ATP11C: variants seen among roughly 807,000 people sequenced by gnomAD.
The protein encoded by ATP11C is phospholipid-transporting ATPase IG.
A neutral mutation model predicts 97.4 loss-of-function variants in ATP11C; 36 were observed. That is an observed-to-expected ratio of 0.37 (90% confidence interval 0.28 to 0.49). The LOEUF (loss-of-function observed/expected upper bound fraction) is 0.49. ATP11C is among the 20% of genes least tolerant of loss of function. The pLI is 0.98. For synonymous variants in ATP11C, 275 were observed against 290.9 expected (o/e 0.95, Z 0.56); for missense variants, 730 against 824.6 (o/e 0.89, Z 1.40).
intron 1 of ATP11C, among the ~76,000 whole-genome samples, chrX:139,848,756 T>C (rs960375425): frequency 7.2e-5 from 8 of 111,319 alleles, no homozygotes; most frequent in Non-Finnish European, 1.9e-5. Context: ...GAACACCATA[T>C]TGATTCATGG....
Position 139,861,711 on chromosome X carries a change from ACT to A in ATP11C, c.28-34890_28-34889del, listed in dbSNP as rs200959693. Among the ~76,000 whole-genome samples the A allele has an allele frequency of 3.3e-3, 366 of 110,565 alleles. 4 individuals are homozygous for A. The highest frequency in any genetic ancestry group is 0.012 in the African/African-American group (361 of 30,320). ...GCCTGCATACCTAACACAGTATTAC[ACT>A]GTCTTAAGCAAATGCACAAATCAAA... On this transcript the variant is annotated intron_variant, in intron 1 of 29. Transcript: ENST00000682941.
At chrX:139,813,826 T>A (rs1316857479) in intron 5 of ATP11C, among the ~76,000 whole-genome samples, 1 of 111,620 alleles carries the variant, frequency 9.0e-6, no homozygotes, top group East Asian at 2.8e-4. Flanking sequence ...ATGACACTAC[T>A]ATGGATACAT....
At chrX:139,902,856 T>G (rs776903514) in intron 1 of ATP11C, among the ~76,000 whole-genome samples, 2 of 111,789 alleles carry the variant, frequency 1.8e-5, no homozygotes, top group Non-Finnish European at 3.8e-5. Flanking sequence ...AAAAAGTTAG[T>G]GTACCAACGG....
chrX:139,817,451 G>A (rs982620724), intron 3 of ATP11C, among the ~76,000 whole-genome samples: 1 of 112,715 alleles, frequency 8.9e-6, no homozygotes. Flanking sequence ...CCAGTGGCGA[G>A]AGGGAGTGTG....
rs201052330 is a variant in ATP11C at position 139,741,027 on chromosome X, T to A, written c.3098A>T (p.Tyr1033Phe). ...HFVIWGSLAF[Y>F]VFFSFFWGGI... ...TCCCCAGAAGAATGAGAAAAATACA[T>A]AGAAGGCTAAAGAACCCCAAATCAC... Residue 1033 changes from tyrosine (Y) to phenylalanine (F), a missense_variant, in exon 27 of 30, where the codon TAT (tyrosine) becomes TTT (phenylalanine). Physicochemically the swap from Tyr to Phe is conservative, Grantham distance 22. Coordinates refer to ENST00000682941, the MANE Select transcript of ATP11C (RefSeq NM_001353812.2). 4 of 1,204,641 alleles carry A rather than the reference T, an allele frequency of 3.3e-6. No homozygotes were observed.
At chrX:139,807,918 C>T (rs1342253115) in intron 5 of ATP11C, among the ~76,000 whole-genome samples, 1 of 104,120 alleles carries the variant, frequency 9.6e-6, no homozygotes, top group East Asian at 3.0e-4. Context: ...CGCCACTGTA[C>T]TCCAGCCTGG....
chrX:139,883,274 C>G (rs868755012), intron 1 of ATP11C, among the ~76,000 whole-genome samples: 6 of 110,487 alleles, frequency 5.4e-5, no homozygotes, highest in South Asian at 3.9e-4. Flanking sequence ...GTTAAAGCCA[C>G]TCAAAAGTTT....
chrX:139,838,862 C>T (rs904799962), intron 1 of ATP11C, among the ~76,000 whole-genome samples: 7 of 110,368 alleles, frequency 6.3e-5, no homozygotes, highest in African/African-American at 2.0e-4. Context: ...GCAGGAAAAT[C>T]GCTTGAACCC....
chrX:139,909,557 C>A (rs1024509423), intron 1 of ATP11C, among the ~76,000 whole-genome samples: 1 of 110,476 alleles, frequency 9.1e-6, no homozygotes, highest in Non-Finnish European at 1.9e-5. Flanking sequence ...ACACACACAC[C>A]CCATGCACAC....
At chrX:139,806,775 T>C (rs991904402) in intron 5 of ATP11C, among the ~76,000 whole-genome samples, 2 of 111,319 alleles carry the variant, frequency 1.8e-5, no homozygotes, top group African/African-American at 6.5e-5. Flanking sequence ...GTGACTGCTG[T>C]GAAGAAATAG....
intron 18 of ATP11C, among the ~76,000 whole-genome samples, chrX:139,779,351 T>C (rs2082408589): frequency 8.9e-6 from 1 of 111,994 alleles, no homozygotes; most frequent in Admixed American, 9.5e-5. Context: ...GCAAGTCTCC[T>C]GAAATTCAAA....
At chrX:139,803,040 C>T (rs1324895908) in intron 6 of ATP11C, among the ~76,000 whole-genome samples, 1 of 111,765 alleles carries the variant, frequency 8.9e-6, no homozygotes, top group Admixed American at 9.5e-5. Context: ...ACCACTTAGG[C>T]AGAAGGGAAA....
At chrX:139,860,839 A>C (rs1430912160) in intron 1 of ATP11C, among the ~76,000 whole-genome samples, 1 of 112,177 alleles carries the variant, frequency 8.9e-6, no homozygotes, top group Non-Finnish European at 1.9e-5. Context: ...AAATAAAAAG[A>C]AGCCAGATTC....
At chrX:139,843,740 TCA>T (rs1341069361) in intron 1 of ATP11C, among the ~76,000 whole-genome samples, 1 of 111,476 alleles carries the variant, frequency 9.0e-6, no homozygotes, top group Non-Finnish European at 1.9e-5. Context: ...ATGTGATGTC[TCA>T]GTTTTCCCAC....
intron 12 of ATP11C, among the ~76,000 whole-genome samples, chrX:139,794,645 T>C (rs1026962050): frequency 8.9e-6 from 1 of 111,841 alleles, no homozygotes; most frequent in Non-Finnish European, 1.9e-5. Context: ...CCCAAAGCTC[T>C]ACTTTACTTT....
At chrX:139,821,337 A>C (rs1000263294) in intron 2 of ATP11C, among the ~76,000 whole-genome samples, 20 of 112,111 alleles carry the variant, frequency 1.8e-4, no homozygotes, top group Non-Finnish European at 2.8e-4. Flanking sequence ...GTGACCAAAA[A>C]TAGAAGCCAC....
intron 8 of ATP11C, among the ~76,000 whole-genome samples, chrX:139,799,608 A>C (rs988601646): frequency 2.9e-4 from 31 of 106,658 alleles, no homozygotes; most frequent in African/African-American, 1.0e-3. Flanking sequence ...CAACTCTACC[A>C]ATCACAAGGT....
At chrX:139,907,747 C>CA (rs376659448) in intron 1 of ATP11C, among the ~76,000 whole-genome samples, 63 of 99,168 alleles carry the variant, frequency 6.4e-4, no homozygotes, top group East Asian at 4.2e-3. Flanking sequence ...CACTCTGTCT[C>CA]AAAAAAAAAA....
chrX:139,750,993 A>C (rs750467892), intron 23 of ATP11C, among the ~76,000 whole-genome samples: 2 of 112,382 alleles, frequency 1.8e-5, no homozygotes, highest in Non-Finnish European at 3.8e-5. Context: ...GGCCTGAATA[A>C]ATAATTCCCC....
Sources: allele counts gnomAD v4.1 joint callset (sites outside exome capture counted in the v4.1 genomes callset), GRCh38; gene constraint gnomAD v4.1.1; transcripts MANE v1.5; gene names NCBI Gene and HGNC (gene_info 2026-07-23, HGNC 2026-07-21).